Variants in UNC5D observed in about 807,000 individuals in gnomAD.
UNC5D encodes netrin receptor UNC5D.
Under a neutral mutation model 105.4 loss-of-function variants are expected in UNC5D, and 39 were observed. The observed-to-expected ratio is 0.37, with a 90% CI of 0.29 to 0.48. The LOEUF (loss-of-function observed/expected upper bound fraction) is 0.48. UNC5D is among the 20% of genes least tolerant of loss of function. The pLI, the probability that UNC5D is intolerant of heterozygous loss-of-function variation, is 0.98. For synonymous variants in UNC5D, 452 were observed against 450.4 expected, an observed-to-expected ratio of 1.00 and a Z score of -0.04; for missense variants, 991 against 1,202.4, an observed-to-expected ratio of 0.82 and a Z score of 2.60.
At chr8:35,334,250 A>G (rs2128895865) in intron 1 of UNC5D, among the ~76,000 whole-genome samples, 1 of 152,328 alleles carries the variant, frequency 6.6e-6, no homozygotes, top group Middle Eastern at 3.4e-3. Context: ...GAAAACATTG[A>G]GTAGGGACAA....
In UNC5D at chr8:35,750,757, T is replaced by C; in HGVS notation, c.2111T>C (p.Leu704Pro). Residue 704 changes from leucine to proline, a missense_variant, in exon 13 of 17, where the codon CTG (leucine) becomes CCG (proline). Leu to Pro is a moderately conservative substitution (Grantham distance 98). Coordinates refer to ENST00000404895, the MANE Select transcript of UNC5D (RefSeq NM_080872.4). ...TTTGGCTGCATGTCCTGTAACTCCC[T>C]GGATTACAACTTGAGAGTTTACTGT... is the stretch of plus-strand genomic sequence containing the variant. The part of the protein sequence containing the change: ...AVFGCMSCNS[L>P]DYNLRVYCVD... 1 of 1,614,170 alleles carries C rather than the reference T, an allele frequency of 6.2e-7. No homozygotes were observed. The highest frequency in any genetic ancestry group is 8.5e-7 in the Non-Finnish European group (1 of 1,180,008).
intron 2 of UNC5D, among the ~76,000 whole-genome samples, chr8:35,559,235 G>C (rs1403653695): frequency 6.6e-6 from 1 of 152,146 alleles, no homozygotes; most frequent in Non-Finnish European, 1.5e-5. Flanking sequence ...AGACTGGGAC[G>C]AGATAAACCA....
chr8:35,719,141 TACACACACACACACACACACACAC>T (rs57660135), intron 8 of UNC5D, among the ~76,000 whole-genome samples: 16 of 133,172 alleles, frequency 1.2e-4, no homozygotes, highest in East Asian at 6.9e-4. Flanking sequence ...CATGTGCTTA[TACACACACACACACACACACACAC>T]ACACACACAC....
At chr8:35,657,239 A>G (rs558051381) in intron 4 of UNC5D, among the ~76,000 whole-genome samples, 12 of 150,866 alleles carry the variant, frequency 8.0e-5, no homozygotes, top group Non-Finnish European at 1.3e-4. Flanking sequence ...GGGTTAAATC[A>G]TGTTCTTAGG....
chr8:35,405,051 A>G (rs1433477955), intron 1 of UNC5D, among the ~76,000 whole-genome samples: 2 of 152,234 alleles, frequency 1.3e-5, no homozygotes, highest in Non-Finnish European at 2.9e-5. Context: ...TTTAAAAAAT[A>G]TATTTGGATG....
intron 1 of UNC5D, among the ~76,000 whole-genome samples, chr8:35,300,310 T>C (rs907612947): frequency 4.6e-5 from 7 of 151,564 alleles, no homozygotes; most frequent in African/African-American, 1.5e-4. Flanking sequence ...TAGCTGGTTG[T>C]GGTGGCACGT....
intron 1 of UNC5D, among the ~76,000 whole-genome samples, chr8:35,337,795 T>C (rs1811160357): frequency 6.6e-6 from 1 of 152,150 alleles, no homozygotes; most frequent in Non-Finnish European, 1.5e-5. Context: ...AAGTCAATTG[T>C]TGGTTTAATT....
intron 6 of UNC5D, among the ~76,000 whole-genome samples, chr8:35,684,974 T>C (rs1304290480): frequency 6.6e-6 from 1 of 152,220 alleles, no homozygotes; most frequent in African/African-American, 2.4e-5. Flanking sequence ...CAGATGACAC[T>C]GAACATTCAT....
At chr8:35,584,450 C>A (rs1397001409) in intron 3 of UNC5D, among the ~76,000 whole-genome samples, 1 of 151,900 alleles carries the variant, frequency 6.6e-6, no homozygotes, top group African/African-American at 2.4e-5. Flanking sequence ...AATCTCACTC[C>A]ATCTTTCAGA....
intron 4 of UNC5D, among the ~76,000 whole-genome samples, chr8:35,628,814 G>A (rs185506945): frequency 3.1e-4 from 47 of 152,294 alleles, no homozygotes; most frequent in African/African-American, 1.1e-3. Context: ...ACACTAATTA[G>A]AGATTTCCAA....
At position 35,605,886 on chromosome 8, in the gene UNC5D, A is replaced by G. The variant is rs373596482; in HGVS notation, c.570+10229A>G. Among the ~76,000 whole-genome samples the G allele has an allele frequency of 5.3e-4, 81 of 152,336 alleles. 1 individual carries two copies. Among genetic ancestry groups the G allele is most frequent in the African/African-American group, 1.9e-3 (79 of 41,582 alleles). ...TGAGACAGTGTTGCCACGCTTTTAA[A>G]TTAATAGACATTAGGTGAAACTATT... On this transcript the variant is annotated intron_variant, in intron 4 of 16. Coordinates refer to ENST00000404895, the MANE Select transcript of UNC5D (RefSeq NM_080872.4).
intron 1 of UNC5D, among the ~76,000 whole-genome samples, chr8:35,468,778 T>C (rs1007354017): frequency 6.6e-6 from 1 of 152,190 alleles, no homozygotes; most frequent in Non-Finnish European, 1.5e-5. Context: ...CAATACATGG[T>C]GTCATTGAAA....
At chr8:35,288,393 C>T (rs895380986) in intron 1 of UNC5D, among the ~76,000 whole-genome samples, 3 of 151,856 alleles carry the variant, frequency 2.0e-5, no homozygotes, top group Admixed American at 1.3e-4. Context: ...AAAAAACTTT[C>T]GAGCAAATAA....
At chr8:35,381,192 A>G (rs771624294) in intron 1 of UNC5D, among the ~76,000 whole-genome samples, 2 of 152,224 alleles carry the variant, frequency 1.3e-5, no homozygotes, top group Non-Finnish European at 2.9e-5. Context: ...TTCCAAATGA[A>G]TGGAAGAGAA....
intron 11 of UNC5D, among the ~76,000 whole-genome samples, chr8:35,736,335 C>T (rs1829467146): frequency 6.6e-6 from 1 of 152,192 alleles, no homozygotes; most frequent in Non-Finnish European, 1.5e-5. Flanking sequence ...TGCACCACTT[C>T]ACTCCAGCCT....
At chr8:35,330,603 G>A (rs906221206) in intron 1 of UNC5D, among the ~76,000 whole-genome samples, 1 of 152,124 alleles carries the variant, frequency 6.6e-6, no homozygotes, top group African/African-American at 2.4e-5. Flanking sequence ...TTTTTGCAGG[G>A]CCTCTATCAT....
At chr8:35,511,081 G>A (rs574669942) in intron 1 of UNC5D, among the ~76,000 whole-genome samples, 2 of 152,210 alleles carry the variant, frequency 1.3e-5, no homozygotes, top group East Asian at 1.9e-4. Context: ...AGCTTTCAGG[G>A]ACTTTCCTCT....
At chr8:35,365,360 G>A (rs886772620) in intron 1 of UNC5D, among the ~76,000 whole-genome samples, 17 of 151,886 alleles carry the variant, frequency 1.1e-4, no homozygotes, top group Admixed American at 3.3e-4. Flanking sequence ...TCACAATGGA[G>A]GGCTATGTAG....
intron 1 of UNC5D, among the ~76,000 whole-genome samples, chr8:35,354,745 A>T (rs953590442): frequency 3.3e-5 from 5 of 152,092 alleles, no homozygotes; most frequent in Non-Finnish European, 5.9e-5. Flanking sequence ...TAACTATTTT[A>T]TGTAGGTCAG....
Sources: allele counts gnomAD v4.1 joint callset (sites outside exome capture counted in the v4.1 genomes callset), GRCh38; gene constraint gnomAD v4.1.1; transcripts MANE v1.5; gene names NCBI Gene and HGNC (gene_info 2026-07-23, HGNC 2026-07-21).